Variants in ITPR2 observed in about 807,000 individuals in gnomAD.
The protein encoded by ITPR2 is inositol 1,4,5-trisphosphate-gated calcium channel ITPR2.
In ITPR2, 207 loss-of-function variants were observed where a neutral mutation model predicts 317.1. The ratio of observed to expected loss-of-function variants is 0.65; its 90% confidence interval spans 0.58 to 0.73. The LOEUF (loss-of-function observed/expected upper bound fraction) is 0.73. ITPR2 is among the 30% of genes least tolerant of loss of function. ITPR2 has a pLI of 0.00. For synonymous variants in ITPR2, 1,156 were observed against 1,149.1 expected (o/e 1.01, Z -0.12); for missense variants, 2,613 against 3,284.0 (o/e 0.80, Z 4.99).
At chr12:26,654,614 T>C (rs1249302843) in intron 20 of ITPR2, among the ~76,000 whole-genome samples, 1 of 151,740 alleles carries the variant, frequency 6.6e-6, no homozygotes, top group Admixed American at 6.6e-5. Flanking sequence ...TGTATCAGAG[T>C]TGGTCCAAGT....
chr12:26,644,125 C>T (rs1033317364), intron 21 of ITPR2, among the ~76,000 whole-genome samples: 5 of 152,104 alleles, frequency 3.3e-5, no homozygotes, highest in Non-Finnish European at 7.4e-5. Context: ...CCCCTCCCAT[C>T]ACAGGCCCAG....
chr12:26,417,499 C>T (rs568609993), intron 50 of ITPR2, among the ~76,000 whole-genome samples: 11 of 152,014 alleles, frequency 7.2e-5, no homozygotes, highest in Non-Finnish European at 1.3e-4. Flanking sequence ...GTTCTTGAGA[C>T]GGTGAGGGAG....
chr12:26,621,061 G>C (rs1946480729), intron 26 of ITPR2, 62 bp downstream of exon 26: 1 of 1,373,664 alleles, frequency 7.3e-7, no homozygotes, highest in Admixed American at 2.0e-5. Flanking sequence ...TAGAGCATGT[G>C]GTTATATATC....
At chr12:26,434,960 G>A (rs1300538330) in intron 48 of ITPR2, among the ~76,000 whole-genome samples, 1 of 152,126 alleles carries the variant, frequency 6.6e-6, no homozygotes, top group African/African-American at 2.4e-5. Flanking sequence ...TTTACTTCCT[G>A]GTGTATTTGC....
intron 37 of ITPR2, among the ~76,000 whole-genome samples, chr12:26,523,744 C>T (rs1233313251): frequency 1.3e-5 from 2 of 152,192 alleles, no homozygotes; most frequent in Non-Finnish European, 2.9e-5. Context: ...AACCCATTTG[C>T]TTTCTACTGT....
intron 46 of ITPR2, among the ~76,000 whole-genome samples, chr12:26,441,325 A>G (rs1176881779): frequency 1.3e-5 from 2 of 152,176 alleles, no homozygotes; most frequent in African/African-American, 2.4e-5. Flanking sequence ...CTTTAAGTCT[A>G]TAACTTGCAG....
At chr12:26,373,356 T>G (rs1025549644) in intron 55 of ITPR2, among the ~76,000 whole-genome samples, 25 of 152,236 alleles carry the variant, frequency 1.6e-4, no homozygotes, top group African/African-American at 5.8e-4. Context: ...GCCTACCTAG[T>G]GCATCCAGGA....
chr12:26,631,927 G>A lies in ITPR2; in HGVS notation c.2873C>T (p.Pro958Leu), dbSNP rs755813208. ...CACAGTCACATCCTCGTGCTCGGTG[G>A]GGCTCCCTTGCTTGCTCGGGTGGAT... ...PSIHPSKQGS[P>L]TEHEDVTVMD... Residue 958 changes from proline to leucine, a missense_variant, in exon 22 of 57, where the codon CCC (proline) becomes CTC (leucine). Pro to Leu is a moderately conservative substitution (Grantham distance 98). Coordinates refer to ENST00000381340, the MANE Select transcript of ITPR2 (RefSeq NM_002223.4). 3.5e-5 allele frequency: 56 copies of A among 1,613,776 alleles called. No homozygotes were observed. The highest frequency in any genetic ancestry group is 1.6e-4 in the Middle Eastern group (1 of 6,078).
chr12:26,738,372 G>T (rs555242760), intron 2 of ITPR2, among the ~76,000 whole-genome samples: 3 of 152,212 alleles, frequency 2.0e-5, no homozygotes, highest in Non-Finnish European at 4.4e-5. Context: ...CCAGAAAGTG[G>T]ACATGAGAAG....
At chr12:26,667,166 A>G (rs1052538935) in intron 13 of ITPR2, among the ~76,000 whole-genome samples, 1 of 152,224 alleles carries the variant, frequency 6.6e-6, no homozygotes, top group Admixed American at 6.5e-5. Context: ...ACATTTTAAG[A>G]GCTTCAACAA....
intron 1 of ITPR2, among the ~76,000 whole-genome samples, chr12:26,828,888 G>A (rs1014730829): frequency 5.3e-5 from 8 of 152,196 alleles, no homozygotes; most frequent in Non-Finnish European, 1.2e-4. Context: ...ACCGCAAGGA[G>A]CCGTGGGCAA....
chr12:26,591,079 CAAAAAA>C (rs34387951), intron 32 of ITPR2, among the ~76,000 whole-genome samples: 1 of 43,408 alleles, frequency 2.3e-5, no homozygotes, highest in African/African-American at 9.1e-5. Context: ...GACTCCATCT[CAAAAAA>C]AAAAAAAAAA....
chr12:26,610,320 C>A (rs902587686), intron 26 of ITPR2, among the ~76,000 whole-genome samples: 8 of 152,202 alleles, frequency 5.3e-5, no homozygotes, highest in African/African-American at 1.9e-4. Flanking sequence ...AAAGGAGAAC[C>A]TTCTTAATAT....
chr12:26,671,082 C>A (rs1221265566), intron 13 of ITPR2, among the ~76,000 whole-genome samples: 1 of 152,030 alleles, frequency 6.6e-6, no homozygotes. Context: ...ATTGGTGTAC[C>A]TGAAAGTGAC....
intron 49 of ITPR2, among the ~76,000 whole-genome samples, chr12:26,426,017 CA>C (rs1223642859): frequency 6.6e-6 from 1 of 152,132 alleles, no homozygotes; most frequent in Non-Finnish European, 1.5e-5. Flanking sequence ...ATTCTTGGTC[CA>C]AAAACAAAGG....
intron 1 of ITPR2, among the ~76,000 whole-genome samples, chr12:26,816,092 C>CA (rs11409442): frequency 0.2 from 11,910 of 58,592 alleles, 1,457 homozygotes; most frequent in Non-Finnish European, 0.27. Flanking sequence ...GACTCCGTCT[C>CA]AAAAAAAAAA....
At chr12:26,740,722 A>G (rs1264784923) in intron 2 of ITPR2, among the ~76,000 whole-genome samples, 1 of 152,270 alleles carries the variant, frequency 6.6e-6, no homozygotes, top group Non-Finnish European at 1.5e-5. Flanking sequence ...AAAATTTTAA[A>G]GCAACAAATT....
intron 41 of ITPR2, among the ~76,000 whole-genome samples, chr12:26,484,147 A>G (rs938263912): frequency 1.3e-5 from 2 of 151,000 alleles, no homozygotes; most frequent in Non-Finnish European, 2.9e-5. Flanking sequence ...GTGTGTATAT[A>G]TGTATATATG....
At chr12:26,725,003 T>C (rs1425423651) in intron 3 of ITPR2, among the ~76,000 whole-genome samples, 1 of 152,160 alleles carries the variant, frequency 6.6e-6, no homozygotes. Context: ...GGAGCAGTAA[T>C]TAAATAAATG....
Sources: gnomAD v4.1 joint callset for allele counts (sites outside exome capture counted in the v4.1 genomes callset) on GRCh38, gnomAD v4.1.1 for gene constraint, MANE v1.5 for transcripts, NCBI Gene and HGNC (gene_info 2026-07-23, HGNC 2026-07-21) for gene names.